The following GNAO1 variants were observed in gnomAD, a reference collection of about 807,000 sequenced individuals.
The protein encoded by GNAO1 is guanine nucleotide-binding protein G(o) subunit alpha.
For missense variants in GNAO1, 166 were observed against 478.7 expected (o/e 0.35, Z 6.10); for synonymous variants, 164 against 180.7 (o/e 0.91, Z 0.74).
intron 2 of GNAO1, among the ~76,000 whole-genome samples, chr16:56,256,518 C>G (rs941257228): frequency 1.3e-5 from 2 of 152,136 alleles, no homozygotes; most frequent in African/African-American, 4.8e-5. Context: ...GCCTTGTTTC[C>G]CGCATGTACC....
intron 2 of GNAO1, among the ~76,000 whole-genome samples, chr16:56,216,631 CT>C (rs1406015336): frequency 6.6e-6 from 1 of 152,194 alleles, no homozygotes; most frequent in Non-Finnish European, 1.5e-5. Flanking sequence ...CCTGATGTGG[CT>C]GTTAGGAGTA....
chr16:56,202,104 G>A (rs1312970140), intron 2 of GNAO1, among the ~76,000 whole-genome samples: 4 of 152,018 alleles, frequency 2.6e-5, no homozygotes, highest in African/African-American at 9.7e-5. Flanking sequence ...GGGAAACTGA[G>A]AAGGGGTGAT....
Position 56,336,874 on chromosome 16 carries a change from G to T in GNAO1, c.723+14G>T. 2 of 1,604,428 alleles carry T rather than the reference G, an allele frequency of 1.2e-6. No individual in the cohort carries two copies. The highest frequency in any genetic ancestry group is 1.1e-5 in the South Asian group (1 of 90,260). ...GACGAAACCACGGTGAGTGGCCTGG[G>T]CCCCCCGGGCAGGGGGCAGCGCTGA... On this transcript the variant is annotated intron_variant, in intron 6 of 8. Transcript: ENST00000262493.
At chr16:56,236,822 A>G (rs2036641910) in intron 2 of GNAO1, among the ~76,000 whole-genome samples, 1 of 152,212 alleles carries the variant, frequency 6.6e-6, no homozygotes, top group South Asian at 2.1e-4. Context: ...ATCACCATTT[A>G]AAGTTTTCAG....
At chr16:56,196,135 T>G (rs1326493121) in intron 2 of GNAO1, among the ~76,000 whole-genome samples, 1 of 151,982 alleles carries the variant, frequency 6.6e-6, no homozygotes, top group Non-Finnish European at 1.5e-5. Flanking sequence ...GTGTTTTGGG[T>G]TCCCCCCCCC....
At chr16:56,262,125 G>A (rs1431043318) in intron 2 of GNAO1, among the ~76,000 whole-genome samples, 1 of 152,214 alleles carries the variant, frequency 6.6e-6, no homozygotes, top group Non-Finnish European at 1.5e-5. Flanking sequence ...AAGGAAAGTT[G>A]AGCTCCTATC....
rs75476815 is a variant in GNAO1, at chr16:56,313,568, G to A, written c.304-15063G>A. 2.7e-3 allele frequency among the ~76,000 whole-genome samples: 410 copies of A among 152,196 alleles called. 1 individual carries two copies. The East Asian group carries it at 0.036, about 13-fold the overall frequency. On this transcript the variant is annotated intron_variant, in intron 3 of 8. Transcript: ENST00000262493. ...CTCTGCCTTCTCTCTGTTGTGATGT[G>A]TTGTTTGGTTGAAGAAAAATTTGGC... is the stretch of plus-strand genomic sequence containing the variant.
At chr16:56,240,266 C>T (rs1321684896) in intron 2 of GNAO1, among the ~76,000 whole-genome samples, 1 of 152,136 alleles carries the variant, frequency 6.6e-6, no homozygotes, top group African/African-American at 2.4e-5. Flanking sequence ...CATGCAGACA[C>T]CATTCCCTGG....
intron 2 of GNAO1, among the ~76,000 whole-genome samples, chr16:56,220,476 G>A (rs193122824): frequency 1.1e-3 from 161 of 152,302 alleles, no homozygotes; most frequent in Non-Finnish European, 1.8e-3. Flanking sequence ...CCAAAACTGA[G>A]GTTCTTAATG....
At chr16:56,202,569 A>G (rs754575617) in intron 2 of GNAO1, among the ~76,000 whole-genome samples, 3 of 152,182 alleles carry the variant, frequency 2.0e-5, no homozygotes, top group Non-Finnish European at 4.4e-5. Context: ...AAGGAACACA[A>G]CCCCTTAGGG....
Position 56,212,324 on chromosome 16 carries a change from A to G in GNAO1, c.161+19708A>G, listed in dbSNP as rs184761968. Among the ~76,000 whole-genome samples, 32 of 152,302 alleles carry G rather than the reference A, an allele frequency of 2.1e-4. No homozygotes were observed. The East Asian group carries it at 6.2e-3, about 29-fold the overall frequency. ...TTTTTATTATTGCTTCATGCTAAAA[A>G]TTGGTGCTCCTAAGGGCAATTGTAC... On this transcript the variant is annotated intron_variant, in intron 2 of 8. Transcript: ENST00000262493.
At chr16:56,330,972 G>A (rs2037683140) in intron 4 of GNAO1, among the ~76,000 whole-genome samples, 1 of 152,232 alleles carries the variant, frequency 6.6e-6, no homozygotes, top group Non-Finnish European at 1.5e-5. Flanking sequence ...AGGTGGCCAG[G>A]GCCGGAAGGG....
intron 2 of GNAO1, among the ~76,000 whole-genome samples, chr16:56,268,864 A>G (rs890451198): frequency 1.9e-4 from 29 of 152,198 alleles, no homozygotes; most frequent in African/African-American, 6.3e-4. Context: ...GGAGCCCCCA[A>G]TTCCTGGCAT....
In GNAO1 at chr16:56,279,578, A is replaced by G. The variant is rs553163251; in HGVS notation, c.303+3506A>G. Among the ~76,000 whole-genome samples, 14 of 152,224 alleles carry G rather than the reference A, an allele frequency of 9.2e-5. No homozygotes were observed. The South Asian group carries it at 2.1e-3, about 23-fold the overall frequency. ...CTGCCCCACTCAGTAAGGGCCCACT[A>G]TGCTTCATCTTGTCCATGAAGCCTC... On this transcript the variant is annotated intron_variant, in intron 3 of 8. Transcript: ENST00000262493.
chr16:56,314,487 T>A lies in GNAO1; in HGVS notation c.304-14144T>A, dbSNP rs144808428. ...ACGTGTTTTGTGCTTACTTCCCATGTCATCATCTCACAGAATTCTCAGACG... is the reference window on the plus strand; with the variant it reads ...ACGTGTTTTGTGCTTACTTCCCATGACATCATCTCACAGAATTCTCAGACG... On this transcript the variant is annotated intron_variant, in intron 3 of 8. Transcript: ENST00000262493. 4.3e-3 allele frequency among the ~76,000 whole-genome samples: 662 copies of A among 152,328 alleles called. 10 individuals are homozygous for A. The highest frequency in any genetic ancestry group is 0.015 in the African/African-American group (630 of 41,574).
intron 2 of GNAO1, among the ~76,000 whole-genome samples, chr16:56,207,085 A>G (rs1415012700): frequency 6.6e-6 from 1 of 152,234 alleles, no homozygotes; most frequent in East Asian, 1.9e-4. Context: ...GCAATTCATG[A>G]TCTCCTTTGA....
At chr16:56,316,835 A>G (rs1399417545) in intron 3 of GNAO1, among the ~76,000 whole-genome samples, 1 of 152,130 alleles carries the variant, frequency 6.6e-6, no homozygotes, top group Non-Finnish European at 1.5e-5. Flanking sequence ...GTGGGGAAGG[A>G]AGATTCTTAG....
chr16:56,314,141 C>T (rs775502539), intron 3 of GNAO1, among the ~76,000 whole-genome samples: 8 of 152,208 alleles, frequency 5.3e-5, no homozygotes, highest in Non-Finnish European at 1.0e-4. Flanking sequence ...TTGTTAATAT[C>T]AACACTGATC....
intron 3 of GNAO1, among the ~76,000 whole-genome samples, chr16:56,293,299 T>C (rs1175656931): frequency 6.6e-6 from 1 of 152,230 alleles, no homozygotes; most frequent in Non-Finnish European, 1.5e-5. Flanking sequence ...TCCATTTTCT[T>C]GGCTCTGTTG....
Sources: allele counts gnomAD v4.1 joint callset (sites outside exome capture counted in the v4.1 genomes callset), GRCh38; gene constraint gnomAD v4.1.1; transcripts MANE v1.5; gene names NCBI Gene and HGNC (gene_info 2026-07-23, HGNC 2026-07-21).